The following CPXM2 variants were observed in gnomAD, a reference collection of about 807,000 sequenced individuals.
CPXM2 encodes inactive carboxypeptidase-like protein X2.
Under a neutral mutation model 86.1 loss-of-function variants are expected in CPXM2, and 66 were observed. That is an observed-to-expected ratio of 0.77 (90% CI 0.63 to 0.94). CPXM2 has a LOEUF of 0.94. Among genes scored for constraint, CPXM2 ranks in the 40% least tolerant of loss-of-function variants. CPXM2 has a pLI of 0.00. For synonymous variants in CPXM2, 388 were observed against 400.2 expected (o/e 0.97, Z 0.36); for missense variants, 948 against 1,026.3 (o/e 0.92, Z 1.04).
Position 123,768,621 on chromosome 10 carries a change from C to T in CPXM2, c.1204G>A (p.Ala402Thr). The T allele has an allele frequency of 6.2e-7, 1 of 1,613,938 alleles. No homozygotes were observed. Among genetic ancestry groups the T allele is most frequent in the Non-Finnish European group, 8.5e-7 (1 of 1,179,978 alleles). ...LVQFVCQEYL[A>T]RNARIVHLVE... Reference sequence around the variant, plus strand: ...AGGTGGACGATGCGCGCATTCCGGGCCAAGTACTCCTGACACACGAACTGC... The same window carrying T: ...AGGTGGACGATGCGCGCATTCCGGGTCAAGTACTCCTGACACACGAACTGC... The change falls in exon 9 of 14, where the codon GCC (alanine) becomes ACC (threonine). Residue 402 changes from alanine to threonine, a missense_variant. Transcript: ENST00000241305.
chr10:123,813,410 T>A (rs1007901741), intron 4 of CPXM2, among the ~76,000 whole-genome samples: 3 of 152,228 alleles, frequency 2.0e-5, no homozygotes, highest in African/African-American at 7.2e-5. Context: ...CCCCTATTCT[T>A]TGGTCTTCAT....
chr10:123,764,251 G>T (rs1846417425), intron 10 of CPXM2, among the ~76,000 whole-genome samples: 1 of 152,224 alleles, frequency 6.6e-6, no homozygotes, highest in Admixed American at 6.5e-5. Flanking sequence ...TTGATGAACA[G>T]GCTTTCTTAT....
At chr10:123,768,397 A>AAAT in intron 9 of CPXM2, 129 bp downstream of exon 9, 1 of 444,596 alleles carries the variant, frequency 2.2e-6, no homozygotes. Flanking sequence ...ATAAATAAAT[A>AAAT]AATAAATAAA....
intron 3 of CPXM2, among the ~76,000 whole-genome samples, chr10:123,857,003 T>C (rs1333207332): frequency 6.6e-6 from 1 of 152,200 alleles, no homozygotes; most frequent in Non-Finnish European, 1.5e-5. Flanking sequence ...TGACTGTTTC[T>C]AAATGAGATC....
In CPXM2 at chr10:123,754,780, G is replaced by A. The variant is rs1225938887; in HGVS notation, c.1918-18C>T. On this transcript the variant is annotated intron_variant, in intron 12 of 13. Coordinates refer to ENST00000241305, the MANE Select transcript of CPXM2 (RefSeq NM_198148.3). The surrounding 1 kb of genome is among the most constrained non-coding windows in gnomAD (Gnocchi z 4.0). ...CGATGAACCTGCTCAGCAAACATGAGACACAGGGTGAGGTCACCGACCAGC... is the reference window on the plus strand; with the variant it reads ...CGATGAACCTGCTCAGCAAACATGAAACACAGGGTGAGGTCACCGACCAGC... 1 of 1,457,912 alleles carries A rather than the reference G, an allele frequency of 6.9e-7. No homozygotes were observed. The highest frequency in any genetic ancestry group is 9.6e-7 in the Non-Finnish European group (1 of 1,037,348). 90.3% of individuals were successfully genotyped at this position (1,457,912 alleles called of 1,614,324 possible).
intron 2 of CPXM2, among the ~76,000 whole-genome samples, chr10:123,867,694 G>A (rs763327612): frequency 8.6e-5 from 13 of 151,960 alleles, no homozygotes; most frequent in Admixed American, 2.0e-4. Context: ...AACCATGCCC[G>A]GCTAATTTTT....
upstream of CPXM2, among the ~76,000 whole-genome samples, chr10:123,895,101 CT>C (rs1001049091): frequency 5.6e-5 from 7 of 124,264 alleles, no homozygotes; most frequent in Admixed American, 1.6e-4. Flanking sequence ...AAGACAGATT[CT>C]TTTTTTTTTC....
chr10:123,827,442 T>C (rs949325766), intron 4 of CPXM2, among the ~76,000 whole-genome samples: 3 of 152,102 alleles, frequency 2.0e-5, no homozygotes, highest in Non-Finnish European at 4.4e-5. Context: ...TAGCAAACAA[T>C]ATCATTTACA....
intron 6 of CPXM2, among the ~76,000 whole-genome samples, chr10:123,788,279 CAAAAAAA>C (rs55818352): frequency 8.0e-6 from 1 of 124,248 alleles, no homozygotes. Flanking sequence ...GACCCCATCT[CAAAAAAA>C]AAAAAAAAAA....
At chr10:123,943,468 A>T (rs1945795527), upstream of CPXM2, among the ~76,000 whole-genome samples, 1 of 152,174 alleles carries the variant, frequency 6.6e-6, no homozygotes, top group African/African-American at 2.4e-5. Flanking sequence ...CCCAGAAGGG[A>T]TTTGCCAGCC....
At chr10:123,902,762 C>G (rs1945395438) in intron 2 of CPXM2, among the ~76,000 whole-genome samples, 1 of 152,174 alleles carries the variant, frequency 6.6e-6, no homozygotes, top group African/African-American at 2.4e-5. Context: ...TTGGGGATTT[C>G]AACATATGAA....
intron 4 of CPXM2, among the ~76,000 whole-genome samples, chr10:123,813,903 T>C (rs1230930188): frequency 6.6e-6 from 1 of 152,220 alleles, no homozygotes; most frequent in Non-Finnish European, 1.5e-5. Flanking sequence ...TTGGAGCAGA[T>C]GTGTTGTGCA....
intron 3 of CPXM2, among the ~76,000 whole-genome samples, chr10:123,858,210 C>T (rs183800336): frequency 2.0e-5 from 3 of 152,332 alleles, no homozygotes; most frequent in African/African-American, 2.4e-5. Context: ...CCAGCCTGCC[C>T]GGCCGCCTCC....
chr10:123,930,599 G>C (rs573332431), intron 2 of CPXM2, among the ~76,000 whole-genome samples: 1 of 152,322 alleles, frequency 6.6e-6, no homozygotes, highest in African/African-American at 2.4e-5. Flanking sequence ...ACAACCAAAA[G>C]ATAGTAAGCC....
intron 4 of CPXM2, among the ~76,000 whole-genome samples, chr10:123,831,542 C>T (rs915835322): frequency 2.0e-5 from 3 of 152,196 alleles, no homozygotes; most frequent in Admixed American, 2.0e-4. Flanking sequence ...GTTTAAACCA[C>T]AGACATTTAT....
At chr10:123,757,609 G>A (rs895156443) in intron 11 of CPXM2, among the ~76,000 whole-genome samples, 9 of 152,198 alleles carry the variant, frequency 5.9e-5, no homozygotes, top group African/African-American at 2.2e-4. Flanking sequence ...GACAAAAGAA[G>A]AATTGAAATA....
chr10:123,902,805 G>C (rs1475276511), intron 2 of CPXM2, among the ~76,000 whole-genome samples: 2 of 152,158 alleles, frequency 1.3e-5, no homozygotes, highest in Non-Finnish European at 2.9e-5. Context: ...TTCAGACCGC[G>C]ACACAGAGTG....
At chr10:123,750,665 G>T in intron 13 of CPXM2, 1 of 975,676 alleles carries the variant, frequency 1.0e-6, no homozygotes. Context: ...GCTCACCGCA[G>T]TATTTCTAGT....
chr10:123,843,018 T>G (rs1848418273), intron 3 of CPXM2, among the ~76,000 whole-genome samples: 1 of 152,174 alleles, frequency 6.6e-6, no homozygotes. Flanking sequence ...AGGGGATACT[T>G]GAAGTAGGTG....
Sources: allele counts gnomAD v4.1 joint callset (sites outside exome capture counted in the v4.1 genomes callset), GRCh38; gene constraint gnomAD v4.1.1; non-coding constraint Gnocchi (gnomAD v3.1); transcripts MANE v1.5; gene names NCBI Gene and HGNC (gene_info 2026-07-23, HGNC 2026-07-21).